The following ZNF34 variants were observed in gnomAD, a reference collection of about 807,000 sequenced individuals.
ZNF34 encodes the protein zinc finger protein 34, also known as zinc finger protein 34 (KOX 32).
A neutral mutation model predicts 14.4 loss-of-function variants in ZNF34; 8 were observed. That is an observed-to-expected ratio of 0.55 (90% confidence interval 0.33 to 1.00). ZNF34 has a LOEUF of 1.00. Among genes scored for constraint, ZNF34 ranks in the 50% least tolerant of loss-of-function variants. The pLI, the probability that ZNF34 is intolerant of heterozygous loss-of-function variation, is 0.03. For missense variants in ZNF34, 538 were observed against 674.2 expected, an observed-to-expected ratio of 0.80 and a Z score of 2.24; for synonymous variants, 235 against 247.9, an observed-to-expected ratio of 0.95 and a Z score of 0.49.
rs1464116347 is a variant in ZNF34 at position 144,779,216 on chromosome 8, C to A, written c.-54-691G>T. On this transcript the variant is annotated intron_variant, in intron 2 of 5. Transcript: ENST00000429371. The surrounding 1 kb of genome is among the most constrained non-coding windows in gnomAD (Gnocchi z 4.1). ...TCATGGCCTCTGGAATGTGCACAGACTTGTTGGTTCCTTGCTTCTTGCTCT... is the reference window on the plus strand; with the variant it reads ...TCATGGCCTCTGGAATGTGCACAGAATTGTTGGTTCCTTGCTTCTTGCTCT... Among the ~76,000 whole-genome samples, 2 of 152,314 alleles carry A rather than the reference C, an allele frequency of 1.3e-5. No individual in the cohort carries two copies. Among genetic ancestry groups the A allele is most frequent in the African/African-American group, 4.8e-5 (2 of 41,580 alleles).
Position 144,773,690 on chromosome 8 carries a change from T to G in ZNF34, c.1196A>C (p.Lys399Thr), listed in dbSNP as rs1825306094. Residue 399 changes from lysine to threonine, a missense_variant, in exon 6 of 6, where the codon AAA (lysine) becomes ACA (threonine). This residue lies in a region of ZNF34 where 431 missense variants were observed against 525.7 expected (regional missense o/e 0.82). Coordinates refer to ENST00000429371, the MANE Select transcript of ZNF34 (RefSeq NM_001286769.2). This position sits in a 1 kb window ranked among gnomAD's most constrained non-coding sequence, Gnocchi z 5.4. ...GAAAGCTTTCTCACATTCATTACAT[T>G]TATAGGGTTTCTCTCCAGTGTGAAT... The part of the protein sequence containing the change: ...QRIHTGEKPY[K>T]CNECEKAFIQ... 6.2e-7 allele frequency: 1 copy of G among 1,613,994 alleles called. No homozygotes were observed. Among genetic ancestry groups the G allele is most frequent in the Non-Finnish European group, 8.5e-7 (1 of 1,179,942 alleles).
Position 144,780,265 on chromosome 8 carries a change from G to A in ZNF34, c.-92C>T. 6.5e-7 allele frequency: 1 copy of A among 1,550,156 alleles called. No individual in the cohort carries two copies. The highest frequency in any genetic ancestry group is 8.7e-7 in the Non-Finnish European group (1 of 1,145,864). On this transcript the variant is annotated 5_prime_UTR_variant, in exon 2 of 6. Transcript: ENST00000429371. Reference sequence around the variant, plus strand: ...TGAGACTCTCGGATTAGATACATGTGATGCAACTATTTGGCCTAAAATAAA... The same window carrying A: ...TGAGACTCTCGGATTAGATACATGTAATGCAACTATTTGGCCTAAAATAAA...
intron 1 of ZNF34, among the ~76,000 whole-genome samples, chr8:144,781,162 T>TAAATAAATAAATAAAA (rs1422829277): frequency 1.6e-4 from 22 of 141,848 alleles, no homozygotes; most frequent in African/African-American, 5.6e-4. Flanking sequence ...AATAAATAAA[T>TAAATAAATAAATAAAA]AAAAATAAAA....
Position 144,776,335 on chromosome 8 carries a change from C to T in ZNF34, c.280+1123G>A, listed in dbSNP as rs562496800. Among the ~76,000 whole-genome samples, 242 of 149,066 alleles carry T rather than the reference C, an allele frequency of 1.6e-3. 1 individual carries two copies. Among genetic ancestry groups the T allele is most frequent in the African/African-American group, 5.6e-3 (226 of 40,308 alleles). On this transcript the variant is annotated intron_variant, in intron 5 of 5. Transcript: ENST00000429371. The stretch of plus-strand genomic sequence containing the variant: ...TCAAAAAAAAAAAAAAAGAATGGCT[C>T]ACACCTATAATCCCAGTACTTTGGG...
In ZNF34 at chr8:144,773,172, A is replaced by C; in HGVS notation, c.*94T>G. The C allele has an allele frequency of 6.0e-5, 80 of 1,322,482 alleles. No homozygotes were observed. Among genetic ancestry groups the C allele is most frequent in the Non-Finnish European group, 6.9e-5 (68 of 989,988 alleles). 81.9% of individuals were successfully genotyped at this position (1,322,482 alleles called of 1,614,324 possible). Reference sequence around the variant, plus strand: ...AAACGTCCTTTCACTCTGTGAAAACATCGTGTGGATAATACATAAAGGGCA... The same window carrying C: ...AAACGTCCTTTCACTCTGTGAAAACCTCGTGTGGATAATACATAAAGGGCA... On this transcript the variant is annotated 3_prime_UTR_variant, in exon 6 of 6. Transcript: ENST00000429371. This position sits in a 1 kb window ranked among gnomAD's most constrained non-coding sequence, Gnocchi z 5.4.
At chr8:144,785,697 G>C (rs774305132) in intron 1 of ZNF34, 4 of 152,198 alleles carry the variant, frequency 2.6e-5, no homozygotes, top group Non-Finnish European at 5.9e-5. Flanking sequence ...TAAACTGGTA[G>C]ACACTCTAGA....
Position 144,774,430 on chromosome 8 carries a change from C to T in ZNF34, c.456G>A (p.Glu152=), listed in dbSNP as rs369731064. The change falls in exon 6 of 6, where the codon GAG becomes GAA. Residue 152 remains glutamate (E), a synonymous_variant. Transcript: ENST00000429371. ...GPRAVTLTNG[E]SSRESGGNLR... Reference sequence around the variant, plus strand: ...GGTTTCCCCCAGACTCCCTGCTGCTCTCCCCGTTGGTCAGTGTGACTGCCC... The same window carrying T: ...GGTTTCCCCCAGACTCCCTGCTGCTTTCCCCGTTGGTCAGTGTGACTGCCC... 4.8e-4 allele frequency: 779 copies of T among 1,613,900 alleles called. No individual in the cohort carries two copies. The highest frequency in any genetic ancestry group is 5.8e-4 in the Non-Finnish European group (681 of 1,179,898).
chr8:144,774,432 C>T lies in ZNF34; in HGVS notation c.454G>A (p.Glu152Lys). ...TTTCCCCCAGACTCCCTGCTGCTCT[C>T]CCCGTTGGTCAGTGTGACTGCCCTG... is the stretch of plus-strand genomic sequence containing the variant. Reference protein sequence around the residue: ...GPRAVTLTNGESSRESGGNLR... With the variant: ...GPRAVTLTNGKSSRESGGNLR... Residue 152 changes from glutamate to lysine, a missense_variant, in exon 6 of 6, where the codon GAG (glutamate) becomes AAG (lysine). Transcript: ENST00000429371. The T allele has an allele frequency of 4.3e-6, 7 of 1,614,000 alleles. No homozygotes were observed. The highest frequency in any genetic ancestry group is 5.9e-6 in the Non-Finnish European group (7 of 1,179,902).
rs141780245 is a variant in ZNF34, at chr8:144,784,481, C to T, written c.-108+2798G>A. Among the ~76,000 whole-genome samples, 279 of 140,328 alleles carry T rather than the reference C, an allele frequency of 2.0e-3. 2 individuals are homozygous for T. Among genetic ancestry groups the T allele is most frequent in the African/African-American group, 7.0e-3 (262 of 37,246 alleles). The allele number at this position is 140,328 out of a possible 152,430, so 92.1% of individuals were successfully genotyped here. A position where few individuals can be genotyped will look rare whatever the true frequency, so the allele number is the denominator to read the frequency against. ...ATTAAAAAAAAAAAAAAAAAAAGGT[C>T]GGGCACGGTGACTCACGCCTGTAAT... On this transcript the variant is annotated intron_variant, in intron 1 of 5. Transcript: ENST00000429371.
At chr8:144,776,811 C>A (rs1035357044) in intron 5 of ZNF34, among the ~76,000 whole-genome samples, 1 of 148,508 alleles carries the variant, frequency 6.7e-6, no homozygotes, top group African/African-American at 2.5e-5. Context: ...ACTCGGGAGG[C>A]TGAGATGGGA....
At chr8:144,776,893 T>C (rs1014022605) in intron 5 of ZNF34, among the ~76,000 whole-genome samples, 2 of 124,576 alleles carry the variant, frequency 1.6e-5, no homozygotes, top group African/African-American at 6.5e-5. Flanking sequence ...GCCTGGGTGA[T>C]AGAGGGCGAC....
chr8:144,776,690 G>A (rs1235681569), intron 5 of ZNF34, among the ~76,000 whole-genome samples: 3 of 152,044 alleles, frequency 2.0e-5, no homozygotes, highest in Admixed American at 1.3e-4. Flanking sequence ...CGAGAGGATC[G>A]CTTGAGCCTA....
At chr8:144,784,580 A>C (rs1826107906) in intron 1 of ZNF34, among the ~76,000 whole-genome samples, 1 of 151,672 alleles carries the variant, frequency 6.6e-6, no homozygotes. Flanking sequence ...TAAGATGGTG[A>C]AACACTGTCT....
intron 5 of ZNF34, among the ~76,000 whole-genome samples, chr8:144,776,326 AG>A (rs1825512474): frequency 6.7e-6 from 1 of 148,536 alleles, no homozygotes; most frequent in African/African-American, 2.5e-5. Context: ...AAAAAAAAAA[AG>A]AATGGCTCAC....
intron 1 of ZNF34, among the ~76,000 whole-genome samples, chr8:144,784,575 T>C (rs759282151): frequency 1.3e-5 from 2 of 150,442 alleles, no homozygotes; most frequent in Non-Finnish European, 2.9e-5. Context: ...CTAGCTAAGA[T>C]GGTGAAACAC....
chr8:144,787,106 G>C (rs1341125230), intron 1 of ZNF34, among the ~76,000 whole-genome samples, 173 bp downstream of exon 1: 6 of 124,522 alleles, frequency 4.8e-5, no homozygotes, highest in Non-Finnish European at 8.2e-5. Context: ...GGCGCAGTCC[G>C]TACTCGGGGC....
Position 144,778,107 on chromosome 8 carries a change from G to A in ZNF34, c.91C>T (p.Leu31=), listed in dbSNP as rs1380731819. 4 of 1,613,878 alleles carry A rather than the reference G, an allele frequency of 2.5e-6. No homozygotes were observed. The African/African-American group carries it at 5.3e-5, about 22-fold the overall frequency. The change falls in exon 4 of 6, where the codon CTG becomes TTG. Residue 31 remains leucine (L), a synonymous_variant. Transcript: ENST00000429371. ...TAGAGGCCCCTCTGAGCAGGGCCCA[G>A]GCGGCCCCATTCCTCCCGGGAGAGG... The part of the protein sequence containing the change: ...VYLSREEWGR[L]GPAQRGLYRD...
rs1283746324 is a variant in ZNF34, at chr8:144,777,673, C to T, written c.161-96G>A. On this transcript the variant is annotated intron_variant, in intron 4 of 5. Transcript: ENST00000429371. This position sits in a 1 kb window ranked among gnomAD's most constrained non-coding sequence, Gnocchi z 4.8. ...GGCTGCAGGGTAAGGGAGGCACAGG[C>T]AGAGGGGGTGATGGAAGCCTGGACA... 2 of 1,422,788 alleles carry T rather than the reference C, an allele frequency of 1.4e-6. No homozygotes were observed. Among genetic ancestry groups the T allele is most frequent in the Non-Finnish European group, 1.9e-6 (2 of 1,056,378 alleles). 88.1% of individuals were successfully genotyped at this position (1,422,788 alleles called of 1,614,324 possible). A position where few individuals can be genotyped will look rare whatever the true frequency, so the allele number is the denominator to read the frequency against.
Position 144,780,230 on chromosome 8 carries a change from A to G in ZNF34, c.-57T>C. On this transcript the variant is annotated splice_region_variant and 5_prime_UTR_variant, in exon 2 of 6. Transcript: ENST00000429371. ...TAAGTAAAATAAGATTGACTCACCT[A>G]CCAGAAGCATGAGACTCTCGGATTA... 1 of 1,549,100 alleles carries G rather than the reference A, an allele frequency of 6.5e-7. No individual in the cohort carries two copies. The highest frequency in any genetic ancestry group is 8.7e-7 in the Non-Finnish European group (1 of 1,145,206).
Sources: allele counts gnomAD v4.1 joint callset (sites outside exome capture counted in the v4.1 genomes callset), GRCh38; gene constraint gnomAD v4.1.1; regional missense constraint gnomAD v4.1.1; non-coding constraint Gnocchi (gnomAD v3.1); transcripts MANE v1.5; gene names NCBI Gene and HGNC (gene_info 2026-07-23, HGNC 2026-07-21).